The following PJA2 variants were observed in gnomAD, a reference collection of about 807,000 sequenced individuals.
PJA2 encodes the protein praja ring finger ubiquitin ligase 2, also known as E3 ubiquitin-protein ligase Praja-2.
Under a neutral mutation model 69.3 loss-of-function variants are expected in PJA2, and 25 were observed. That is an observed-to-expected ratio of 0.36 (90% CI 0.26 to 0.50). PJA2 has a LOEUF of 0.50. Ranked by LOEUF, PJA2 falls within the 20% of genes least tolerant of loss-of-function variation. The probability of loss-of-function intolerance (pLI) is 0.96; values close to 1 mark genes in which losing one functional copy is unlikely to be tolerated. For synonymous variants in PJA2, 308 were observed against 277.8 expected, an observed-to-expected ratio of 1.11 and a Z score of -1.08; for missense variants, 809 against 830.2, an observed-to-expected ratio of 0.97 and a Z score of 0.31.
chr5:109,390,253 C>G (rs965670975), intron 1 of PJA2, among the ~76,000 whole-genome samples: 1 of 151,912 alleles, frequency 6.6e-6, no homozygotes, highest in Non-Finnish European at 1.5e-5. Context: ...TTCTGTCTTA[C>G]ATATTTGGAA....
At chr5:109,344,590 A>G (rs752477407) in intron 8 of PJA2, 115 bp downstream of exon 8, 43 of 760,428 alleles carry the variant, frequency 5.7e-5, no homozygotes, top group Non-Finnish European at 8.8e-5. Context: ...TGGTTTCTAT[A>G]AAAAAAATCT....
intron 5 of PJA2, 136 bp from the exon 6 acceptor site, chr5:109,363,158 C>T (rs1259290787): frequency 1.5e-6 from 1 of 661,470 alleles, no homozygotes; most frequent in Non-Finnish European, 2.3e-6. Flanking sequence ...AAAAAACTGT[C>T]TTCCTTAACT....
chr5:109,373,319 G>A (rs906982806), intron 4 of PJA2, among the ~76,000 whole-genome samples: 1 of 152,164 alleles, frequency 6.6e-6, no homozygotes. Context: ...TGTGAGTAAG[G>A]ACAATTAGAT....
intron 1 of PJA2, among the ~76,000 whole-genome samples, chr5:109,405,430 G>A (rs1318524347): frequency 6.6e-6 from 1 of 152,092 alleles, no homozygotes; most frequent in Non-Finnish European, 1.5e-5. Context: ...GCCTCTAAAA[G>A]CTTTACGGTA....
At chr5:109,357,633 G>A (rs76637507) in intron 6 of PJA2, among the ~76,000 whole-genome samples, 4,634 of 152,316 alleles carry the variant, frequency 0.03, 93 homozygotes, top group Middle Eastern at 0.048. Flanking sequence ...GCCTGGCACA[G>A]AGATGGCACC....
At chr5:109,342,917 G>A (rs1217154256) in intron 9 of PJA2, among the ~76,000 whole-genome samples, 4 of 69,480 alleles carry the variant, frequency 5.8e-5, no homozygotes, top group African/African-American at 7.1e-5. Context: ...CAGCCGCCCC[G>A]TCCGGGAGGT....
chr5:109,405,523 A>G (rs934483674), intron 1 of PJA2, among the ~76,000 whole-genome samples: 1 of 152,252 alleles, frequency 6.6e-6, no homozygotes, highest in Non-Finnish European at 1.5e-5. Flanking sequence ...ATAAGTAAAA[A>G]TAACCATGAT....
chr5:109,339,789 A>T (rs1046047019), intron 9 of PJA2, among the ~76,000 whole-genome samples: 1 of 152,244 alleles, frequency 6.6e-6, no homozygotes, highest in Admixed American at 6.5e-5. Context: ...TATTAAATTC[A>T]TCATGGATTA....
intron 7 of PJA2, among the ~76,000 whole-genome samples, chr5:109,352,451 T>A (rs1762269373): frequency 6.6e-6 from 1 of 152,146 alleles, no homozygotes. Context: ...AAATGAGTGA[T>A]CCTTAATCTT....
intron 7 of PJA2, among the ~76,000 whole-genome samples, chr5:109,347,204 A>T (rs190429830): frequency 7.2e-5 from 11 of 152,374 alleles, no homozygotes; most frequent in African/African-American, 2.4e-4. Context: ...CCAGTAATTG[A>T]ATTATTGCTT....
chr5:109,396,873 G>T lies in PJA2; in HGVS notation c.-88+12969C>A, dbSNP rs551602809. ...AAAGTAAAACTAAAAGTCTACTAAA[G>T]AAAGTGAAAAGAAATATAAAAGAAA... On this transcript the variant is annotated intron_variant, in intron 1 of 9. Coordinates refer to ENST00000361189, the MANE Select transcript of PJA2 (RefSeq NM_014819.5). 3.9e-5 allele frequency among the ~76,000 whole-genome samples: 6 copies of T among 151,932 alleles called. No homozygotes were observed. The East Asian group carries it at 1.2e-3, about 29-fold the overall frequency.
At chr5:109,342,272 A>C (rs1762082676) in intron 9 of PJA2, among the ~76,000 whole-genome samples, 1 of 70,352 alleles carries the variant, frequency 1.4e-5, no homozygotes, top group Non-Finnish European at 2.7e-5. Context: ...GGCCGCCCCT[A>C]CTGGGAAGTG....
Position 109,354,434 on chromosome 5 carries a change from G to T in PJA2, c.1764+1481C>A, listed in dbSNP as rs1762366885. ...ATAGATTAGATATCTATGATATCTAGAGATGTCTATAGATTAGATATCTAT... is the reference window on the plus strand; with the variant it reads ...ATAGATTAGATATCTATGATATCTATAGATGTCTATAGATTAGATATCTAT... On this transcript the variant is annotated intron_variant, in intron 7 of 9. Coordinates refer to ENST00000361189, the MANE Select transcript of PJA2 (RefSeq NM_014819.5). Among the ~76,000 whole-genome samples the T allele has an allele frequency of 2.2e-5, 3 of 138,508 alleles. 1 individual carries two copies. Among genetic ancestry groups the T allele is most frequent in the Admixed American group, 2.1e-4 (3 of 14,014 alleles). 90.9% of individuals were successfully genotyped at this position (138,508 alleles called of 152,430 possible).
At chr5:109,387,568 TC>T (rs1180494886) in intron 1 of PJA2, among the ~76,000 whole-genome samples, 8 of 152,190 alleles carry the variant, frequency 5.3e-5, no homozygotes, top group South Asian at 2.1e-4. Context: ...TTCAAACAAT[TC>T]GGGGTTTTTA....
chr5:109,365,935 A>G (rs560426994), intron 5 of PJA2, among the ~76,000 whole-genome samples: 1 of 152,326 alleles, frequency 6.6e-6, no homozygotes, highest in East Asian at 1.9e-4. Context: ...ACCAAAGTAC[A>G]GGTTATTTTC....
chr5:109,356,112 G>T, intron 6 of PJA2, 86 bp from the exon 7 acceptor site: 1 of 812,728 alleles, frequency 1.2e-6, no homozygotes, highest in South Asian at 1.6e-5. Context: ...TTAGCATACT[G>T]ACAAGCCGAT....
At chr5:109,398,779 A>T (rs188019862) in intron 1 of PJA2, among the ~76,000 whole-genome samples, 69 of 133,730 alleles carry the variant, frequency 5.2e-4, no homozygotes, top group Non-Finnish European at 9.1e-4. Flanking sequence ...AGTATAATTT[A>T]AAAAAAAAAG....
At chr5:109,363,251 T>A (rs1157861605) in intron 5 of PJA2, among the ~76,000 whole-genome samples, 1 of 152,222 alleles carries the variant, frequency 6.6e-6, no homozygotes, top group Non-Finnish European at 1.5e-5. Context: ...TAGGAACATA[T>A]TTATTTGATT....
intron 7 of PJA2, among the ~76,000 whole-genome samples, chr5:109,346,429 A>G (rs985261363): frequency 1.3e-5 from 2 of 152,250 alleles, no homozygotes; most frequent in Non-Finnish European, 2.9e-5. Flanking sequence ...AGAACTGAAA[A>G]CAGGGACTAA....
Sources: allele counts gnomAD v4.1 joint callset (sites outside exome capture counted in the v4.1 genomes callset), GRCh38; gene constraint gnomAD v4.1.1; transcripts MANE v1.5; gene names NCBI Gene and HGNC (gene_info 2026-07-23, HGNC 2026-07-21).